NCKAP5: variants seen among roughly 807,000 people sequenced by gnomAD.
NCKAP5 encodes the protein NCK associated protein 5.
NCKAP5 carries 92 observed loss-of-function variants against 167.0 expected under a neutral mutation model. The ratio of observed to expected loss-of-function variants is 0.55; its 90% CI spans 0.47 to 0.66. The LOEUF is 0.66. Among genes scored for constraint, NCKAP5 ranks in the 30% least tolerant of loss-of-function variants. The probability of loss-of-function intolerance (pLI) is 0.00; values close to 1 mark genes in which losing one functional copy is unlikely to be tolerated. For missense variants in NCKAP5, 2,378 were observed against 2,315.0 expected (o/e 1.03, Z -0.56); for synonymous variants, 891 against 877.4 (o/e 1.02, Z -0.27).
At chr2:133,460,067 A>G (rs1346895981) in intron 3 of NCKAP5, among the ~76,000 whole-genome samples, 1 of 152,212 alleles carries the variant, frequency 6.6e-6, no homozygotes, top group African/African-American at 2.4e-5. Context: ...ATTTGTGACT[A>G]ATGCTTAGTT....
intron 8 of NCKAP5, among the ~76,000 whole-genome samples, chr2:132,891,981 G>T (rs1030756357): frequency 5.3e-5 from 8 of 152,198 alleles, no homozygotes; most frequent in African/African-American, 1.9e-4. Flanking sequence ...CCCTCTGTAT[G>T]GTTTGGTGAA....
chr2:133,566,439 TCA>T (rs1228515946), intron 1 of NCKAP5, among the ~76,000 whole-genome samples: 1 of 152,166 alleles, frequency 6.6e-6, no homozygotes, highest in Non-Finnish European at 1.5e-5. Flanking sequence ...TGTAAAATAA[TCA>T]CAGAGTTCTC....
intron 2 of NCKAP5, among the ~76,000 whole-genome samples, chr2:133,528,325 T>C (rs200699071): frequency 2.8e-4 from 8 of 28,786 alleles, no homozygotes; most frequent in Non-Finnish European, 1.1e-4. Context: ...TTACTGGGCC[T>C]TTTTTTTTTT....
At chr2:132,746,799 T>TA (rs1679684101) in intron 16 of NCKAP5, among the ~76,000 whole-genome samples, 2 of 151,910 alleles carry the variant, frequency 1.3e-5, no homozygotes, top group Admixed American at 6.6e-5. Flanking sequence ...ATAAACAAAC[T>TA]AAAAAACCAC....
intron 11 of NCKAP5, among the ~76,000 whole-genome samples, chr2:132,834,394 G>C (rs752826195): frequency 6.6e-6 from 1 of 152,052 alleles, no homozygotes; most frequent in Non-Finnish European, 1.5e-5. Context: ...GCCCAGGCTG[G>C]AGAGCAGTGG....
At chr2:133,217,452 C>T (rs2150188306) in intron 4 of NCKAP5, among the ~76,000 whole-genome samples, 1 of 152,252 alleles carries the variant, frequency 6.6e-6, no homozygotes, top group South Asian at 2.1e-4. Flanking sequence ...AGATATTTAA[C>T]TTCTCATCTA....
At chr2:133,175,338 T>C (rs1452734299) in intron 5 of NCKAP5, among the ~76,000 whole-genome samples, 1 of 152,200 alleles carries the variant, frequency 6.6e-6, no homozygotes, top group Non-Finnish European at 1.5e-5. Context: ...ATAGTATTTT[T>C]TCATGCAATT....
intron 6 of NCKAP5, among the ~76,000 whole-genome samples, chr2:133,100,388 C>A (rs2081471848): frequency 6.6e-6 from 1 of 152,102 alleles, no homozygotes; most frequent in Admixed American, 6.5e-5. Flanking sequence ...TTGGTCCAAG[C>A]AATAATCATA....
intron 6 of NCKAP5, among the ~76,000 whole-genome samples, chr2:133,053,299 A>G (rs1452231730): frequency 1.3e-5 from 2 of 152,168 alleles, no homozygotes; most frequent in African/African-American, 4.8e-5. Context: ...CTCCTGGAGG[A>G]GGGATTTGAC....
intron 6 of NCKAP5, among the ~76,000 whole-genome samples, chr2:133,046,046 C>T (rs141240789): frequency 6.6e-6 from 1 of 152,260 alleles, no homozygotes; most frequent in East Asian, 1.9e-4. Flanking sequence ...CTGGACGGAG[C>T]AGGTTGGTGA....
chr2:133,051,083 G>A (rs2079589237), intron 6 of NCKAP5, among the ~76,000 whole-genome samples: 1 of 152,124 alleles, frequency 6.6e-6, no homozygotes, highest in African/African-American at 2.4e-5. Flanking sequence ...CTTGTCAAGA[G>A]TATGGGTTGT....
intron 4 of NCKAP5, among the ~76,000 whole-genome samples, chr2:133,240,204 T>G (rs556319564): frequency 5.3e-5 from 8 of 152,320 alleles, no homozygotes; most frequent in African/African-American, 1.9e-4. Flanking sequence ...TGAAGGTGTA[T>G]TTTAAGAAAT....
intron 3 of NCKAP5, among the ~76,000 whole-genome samples, chr2:133,441,332 T>C (rs1690846954): frequency 6.6e-6 from 1 of 152,226 alleles, no homozygotes; most frequent in Non-Finnish European, 1.5e-5. Context: ...AGGGTCTGAA[T>C]AAATGACTTG....
intron 4 of NCKAP5, among the ~76,000 whole-genome samples, chr2:133,248,197 A>C (rs1220977390): frequency 1.3e-5 from 2 of 152,236 alleles, no homozygotes; most frequent in Non-Finnish European, 2.9e-5. Flanking sequence ...AGGTGGTGGA[A>C]TCATAAAGCT....
intron 9 of NCKAP5, among the ~76,000 whole-genome samples, chr2:132,871,629 A>G (rs1396772604): frequency 9.2e-5 from 14 of 152,194 alleles, no homozygotes; most frequent in Non-Finnish European, 1.8e-4. Flanking sequence ...TCACAATCCA[A>G]GCAGTTGCCC....
At chr2:133,233,382 G>C (rs2087244204) in intron 4 of NCKAP5, among the ~76,000 whole-genome samples, 1 of 152,020 alleles carries the variant, frequency 6.6e-6, no homozygotes. Context: ...ATAAAGTTAT[G>C]TTCAACACTG....
chr2:132,861,443 T>G (rs1264114541), intron 10 of NCKAP5, among the ~76,000 whole-genome samples: 1 of 152,096 alleles, frequency 6.6e-6, no homozygotes, highest in Admixed American at 6.5e-5. Flanking sequence ...TTCAAGGTTC[T>G]TCAAAAGCTG....
intron 19 of NCKAP5, among the ~76,000 whole-genome samples, chr2:132,678,415 C>T (rs924011348): frequency 6.6e-6 from 1 of 152,108 alleles, no homozygotes; most frequent in African/African-American, 2.4e-5. Flanking sequence ...AATTCAAACA[C>T]AGCATTGTTC....
chr2:133,317,745 G>A (rs1681719690), intron 3 of NCKAP5, among the ~76,000 whole-genome samples: 1 of 152,176 alleles, frequency 6.6e-6, no homozygotes, highest in African/African-American at 2.4e-5. Flanking sequence ...AGCTTCCTAA[G>A]GACTGGTTAA....
Sources: allele counts gnomAD v4.1 joint callset (sites outside exome capture counted in the v4.1 genomes callset), GRCh38; gene constraint gnomAD v4.1.1; transcripts MANE v1.5; gene names NCBI Gene and HGNC (gene_info 2026-07-23, HGNC 2026-07-21).